PDE3B: variants seen among roughly 807,000 people sequenced by gnomAD.
The protein encoded by PDE3B is cGMP-inhibited 3',5'-cyclic phosphodiesterase 3B.
In PDE3B, 66 loss-of-function variants were observed where a neutral mutation model predicts 116.8. That is an observed-to-expected ratio of 0.56 (90% CI 0.46 to 0.69). The LOEUF (loss-of-function observed/expected upper bound fraction) is 0.69. PDE3B is among the 30% of genes least tolerant of loss of function. The probability of loss-of-function intolerance (pLI) is 0.00; values close to 1 mark genes in which losing one functional copy is unlikely to be tolerated. For synonymous variants in PDE3B, 595 were observed against 533.6 expected (o/e 1.12, Z -1.59); for missense variants, 1,384 against 1,368.1 (o/e 1.01, Z -0.18).
chr11:14,698,045 G>T (rs1855261632), intron 1 of PDE3B, among the ~76,000 whole-genome samples: 1 of 151,800 alleles, frequency 6.6e-6, no homozygotes. Flanking sequence ...AGTGATGATA[G>T]TGGACAATCT....
At chr11:14,876,906 T>C (rs909575906), downstream of PDE3B, among the ~76,000 whole-genome samples, 11 of 152,170 alleles carry the variant, frequency 7.2e-5, no homozygotes, top group Non-Finnish European at 1.2e-4. Context: ...AAGGATTTTC[T>C]TTCCCTTGCA....
chr11:14,748,471 A>C (rs1856972345), intron 1 of PDE3B, among the ~76,000 whole-genome samples: 1 of 152,200 alleles, frequency 6.6e-6, no homozygotes, highest in East Asian at 1.9e-4. Context: ...ATAATATATT[A>C]ACTTGATTTT....
intron 1 of PDE3B, chr11:14,673,521 G>C (rs979438082): frequency 7.6e-6 from 3 of 393,566 alleles, no homozygotes; most frequent in African/African-American, 6.2e-5. Flanking sequence ...TTGTACAAGA[G>C]ATAGACTAAG....
At chr11:14,666,637 AC>A (rs1235994322) in intron 1 of PDE3B, among the ~76,000 whole-genome samples, 4 of 151,828 alleles carry the variant, frequency 2.6e-5, no homozygotes, top group African/African-American at 9.7e-5. Context: ...ATGAACAGAC[AC>A]TTCTCAAAAG....
At chr11:14,769,692 A>G (rs1288608905) in intron 1 of PDE3B, among the ~76,000 whole-genome samples, 1 of 148,354 alleles carries the variant, frequency 6.7e-6, no homozygotes, top group African/African-American at 2.4e-5. Context: ...ATATGTTTCC[A>G]TAATCATCTC....
chr11:14,824,257 C>T (rs1317853810), intron 7 of PDE3B, among the ~76,000 whole-genome samples: 2 of 152,190 alleles, frequency 1.3e-5, no homozygotes, highest in Admixed American at 1.3e-4. Flanking sequence ...TATCTTATGA[C>T]CTCCAAACAA....
At chr11:14,701,445 A>G (rs1288160869) in intron 1 of PDE3B, among the ~76,000 whole-genome samples, 5 of 151,734 alleles carry the variant, frequency 3.3e-5, no homozygotes, top group African/African-American at 9.7e-5. Flanking sequence ...ATATATGCAC[A>G]TAGTTAACAA....
intron 4 of PDE3B, among the ~76,000 whole-genome samples, chr11:14,803,637 C>G (rs1858836084): frequency 6.6e-6 from 1 of 152,176 alleles, no homozygotes; most frequent in African/African-American, 2.4e-5. Context: ...GGTCTATAAC[C>G]TGTTTTTTTG....
chr11:14,805,440 C>T (rs1371698987), intron 5 of PDE3B, among the ~76,000 whole-genome samples: 2 of 152,132 alleles, frequency 1.3e-5, no homozygotes, highest in Non-Finnish European at 1.5e-5. Flanking sequence ...TTAGTATCCT[C>T]ACTTCCCTGC....
At chr11:14,880,374 A>G in the PDE3B span, 7 of 1,613,314 alleles carry the variant, frequency 4.3e-6, no homozygotes, top group African/African-American at 1.3e-5. Context: ...AGAGAAAATC[A>G]TAGACTACAG....
At chr11:14,773,071 A>G (rs1023212394) in intron 2 of PDE3B, 9 of 152,044 alleles carry the variant, frequency 5.9e-5, no homozygotes, top group Admixed American at 3.9e-4. Context: ...AATGTTCAAC[A>G]TATCACCACT....
intron 1 of PDE3B, among the ~76,000 whole-genome samples, chr11:14,717,629 G>C (rs1401599292): frequency 9.4e-6 from 1 of 106,808 alleles, no homozygotes; most frequent in African/African-American, 3.8e-5. Context: ...CATTCTTAAA[G>C]AAAAGAATTT....
At chr11:14,680,902 A>T (rs989740658) in intron 1 of PDE3B, among the ~76,000 whole-genome samples, 3 of 152,072 alleles carry the variant, frequency 2.0e-5, no homozygotes, top group Non-Finnish European at 4.4e-5. Flanking sequence ...AATTTTTAGC[A>T]TATAAACCCT....
chr11:14,679,920 C>T (rs1441522471), intron 1 of PDE3B, among the ~76,000 whole-genome samples: 5 of 151,976 alleles, frequency 3.3e-5, no homozygotes, highest in African/African-American at 1.2e-4. Flanking sequence ...AAATGCTCCT[C>T]CTTTGCTCCA....
chr11:14,892,643 CT>C, the PDE3B span, among the ~76,000 whole-genome samples: 95 of 152,320 alleles, frequency 6.2e-4, 1 homozygote, highest in East Asian at 0.015. Context: ...ACACTGCAGT[CT>C]TTAGCTGAAC....
chr11:14,731,979 G>T (rs980480502), intron 1 of PDE3B, among the ~76,000 whole-genome samples: 2 of 152,150 alleles, frequency 1.3e-5, no homozygotes, highest in African/African-American at 2.4e-5. Context: ...AATTCTAGGG[G>T]TTAGGAAAGG....
At chr11:14,826,894 GA>G (rs1859710530) in intron 7 of PDE3B, among the ~76,000 whole-genome samples, 1 of 152,118 alleles carries the variant, frequency 6.6e-6, no homozygotes, top group East Asian at 1.9e-4. Flanking sequence ...CAATATCCTT[GA>G]TGAAAATTGA....
the PDE3B span, among the ~76,000 whole-genome samples, chr11:14,881,700 C>T: frequency 6.6e-6 from 1 of 152,098 alleles, no homozygotes; most frequent in South Asian, 2.1e-4. Context: ...CCTCTCCCTA[C>T]TTGCTCTGTT....
At chr11:14,774,438 A>G (rs1857727421) in intron 2 of PDE3B, 1 of 152,220 alleles carries the variant, frequency 6.6e-6, no homozygotes, top group Non-Finnish European at 1.5e-5. Context: ...TCTGAACTTG[A>G]AGTATAAGAC....
Sources: gnomAD v4.1 joint callset for allele counts (sites outside exome capture counted in the v4.1 genomes callset) on GRCh38, gnomAD v4.1.1 for gene constraint, MANE v1.5 for transcripts, NCBI Gene and HGNC (gene_info 2026-07-23, HGNC 2026-07-21) for gene names.